MYO18B: variants seen among roughly 807,000 people sequenced by gnomAD.
The protein encoded by MYO18B is myosin XVIIIB.
MYO18B carries 204 observed loss-of-function variants against 273.0 expected under a neutral mutation model. The ratio of observed to expected loss-of-function variants is 0.75; its 90% CI spans 0.67 to 0.84. The LOEUF (loss-of-function observed/expected upper bound fraction) is 0.84, where lower values mean the gene tolerates loss of function less well. Ranked by LOEUF, MYO18B falls within the 40% of genes least tolerant of loss-of-function variation. The pLI is 0.00. For missense variants in MYO18B, 3,212 were observed against 3,287.6 expected (o/e 0.98, Z 0.56); for synonymous variants, 1,330 against 1,305.7 (o/e 1.02, Z -0.40).
At chr22:25,905,699 A>G (rs1034965065) in intron 31 of MYO18B, among the ~76,000 whole-genome samples, 1 of 152,192 alleles carries the variant, frequency 6.6e-6, no homozygotes, top group Non-Finnish European at 1.5e-5. Flanking sequence ...TGTTGCCTGT[A>G]TGACCTTAGG....
chr22:26,023,494 T>TCCTCTTCCTC (rs1237319334), intron 42 of MYO18B, among the ~76,000 whole-genome samples: 1 of 150,022 alleles, frequency 6.7e-6, no homozygotes, highest in Non-Finnish European at 1.5e-5. Context: ...CTCCTCCTCC[T>TCCTCTTCCTC]CTACCTCCTC....
rs544705080 is a variant in MYO18B, at chr22:25,798,064, A to G, written c.2488A>G (p.Ile830Val). ...GGCTGTTTGGCGGGTCCTGGCAGCCATCTACCACCTGGGTGCGGCGGGGGC... is the reference window on the plus strand; with the variant it reads ...GGCTGTTTGGCGGGTCCTGGCAGCCGTCTACCACCTGGGTGCGGCGGGGGC... ...QRAVWRVLAA[I>V]YHLGAAGACK... is the part of the protein sequence containing the mutation. Residue 830 changes from isoleucine (I) to valine (V), a missense_variant, in exon 12 of 44, where the codon ATC becomes GTC. Coordinates refer to ENST00000335473, the MANE Select transcript of MYO18B (RefSeq NM_032608.7). 5.5e-5 allele frequency: 88 copies of G among 1,611,368 alleles called. No individual in the cohort carries two copies. The highest frequency in any genetic ancestry group is 7.2e-5 in the Non-Finnish European group (85 of 1,177,710).
chr22:25,779,978 A>T, intron 8 of MYO18B, 78 bp from the exon 9 acceptor site: 1 of 1,466,138 alleles, frequency 6.8e-7, no homozygotes, highest in Non-Finnish European at 9.1e-7. Context: ...GGGGCCGTGG[A>T]AAAGGTGGAC....
chr22:25,879,191 A>G (rs1451623240), intron 25 of MYO18B, among the ~76,000 whole-genome samples: 1 of 152,208 alleles, frequency 6.6e-6, no homozygotes, highest in Non-Finnish European at 1.5e-5. Context: ...CTTTCATGTT[A>G]CAATGGCAGG....
chr22:25,881,801 A>G (rs929906848), intron 25 of MYO18B, among the ~76,000 whole-genome samples: 2 of 152,226 alleles, frequency 1.3e-5, no homozygotes, highest in Non-Finnish European at 2.9e-5. Flanking sequence ...AACAAGATGT[A>G]TGGGGCCTTG....
chr22:26,028,249 G>GAAAAAAAAAAAAAAAA (rs753643785), intron 43 of MYO18B: 1 of 136,808 alleles, frequency 7.3e-6, no homozygotes, highest in African/African-American at 2.9e-5. Flanking sequence ...TCTGTCTCAG[G>GAAAAAAAAAAAAAAAA]GAAAAAAAAA....
At position 25,777,595 on chromosome 22, in the gene MYO18B, C is replaced by G. The variant is rs375323917; in HGVS notation, c.1882C>G (p.Arg628Gly). The G allele has an allele frequency of 3.8e-6, 6 of 1,592,170 alleles. No homozygotes were observed. The highest frequency in any genetic ancestry group is 5.1e-6 in the Non-Finnish European group (6 of 1,169,516). The change falls in exon 8 of 44, where the codon CGC becomes GGC. Residue 628 changes from arginine (R) to glycine (G), a missense_variant. By Grantham distance (125) the Arg-to-Gly change is moderately radical. Transcript: ENST00000335473. ...VPSAGKVPKGRRDGLPAHIGS... is the reference protein window; with the variant it reads ...VPSAGKVPKGGRDGLPAHIGS... ...GATCTTCCTGCAGGTGCCCAAGGGC[C>G]GCCGGGATGGCCTGCCTGCCCACAT... is the stretch of plus-strand genomic sequence containing the variant.
At chr22:25,948,095 C>T (rs529613918) in intron 36 of MYO18B, among the ~76,000 whole-genome samples, 7 of 152,168 alleles carry the variant, frequency 4.6e-5, no homozygotes, top group African/African-American at 7.2e-5. Context: ...ACCCACCCAT[C>T]GATCATTCAT....
At chr22:25,923,669 G>A (rs557677003) in intron 34 of MYO18B, among the ~76,000 whole-genome samples, 25 of 152,276 alleles carry the variant, frequency 1.6e-4, no homozygotes, top group Admixed American at 1.2e-3. Context: ...GAGGCACCTG[G>A]CTTGCTTCTA....
the MYO18B span, among the ~76,000 whole-genome samples, chr22:26,040,541 A>G: frequency 6.6e-6 from 1 of 152,200 alleles, no homozygotes; most frequent in Non-Finnish European, 1.5e-5. Flanking sequence ...AGCCTGGAGG[A>G]GGAAAATAAA....
intron 25 of MYO18B, among the ~76,000 whole-genome samples, 191 bp downstream of exon 25, chr22:25,878,239 T>A (rs2091254596): frequency 6.6e-6 from 1 of 152,170 alleles, no homozygotes; most frequent in Non-Finnish European, 1.5e-5. Flanking sequence ...GGATATTAAG[T>A]ATCTTCCTCG....
intron 11 of MYO18B, among the ~76,000 whole-genome samples, chr22:25,789,399 G>A (rs1420865077): frequency 6.6e-6 from 1 of 151,966 alleles, no homozygotes; most frequent in Non-Finnish European, 1.5e-5. Context: ...ACGTTGGGAG[G>A]CTGAGGCGGG....
intron 34 of MYO18B, among the ~76,000 whole-genome samples, chr22:25,922,851 T>C (rs1209767694): frequency 1.3e-5 from 2 of 152,190 alleles, no homozygotes; most frequent in African/African-American, 4.8e-5. Flanking sequence ...AAACAAAACA[T>C]TTCAGTTAGA....
At chr22:25,906,878 C>A (rs1330355810) in intron 31 of MYO18B, among the ~76,000 whole-genome samples, 1 of 152,136 alleles carries the variant, frequency 6.6e-6, no homozygotes, top group Non-Finnish European at 1.5e-5. Flanking sequence ...AGGGAAACCA[C>A]CCCCTGTGAT....
chr22:25,853,946 A>G (rs2090495377), intron 21 of MYO18B, among the ~76,000 whole-genome samples: 1 of 152,242 alleles, frequency 6.6e-6, no homozygotes, highest in African/African-American at 2.4e-5. Context: ...TTCATTTGCC[A>G]GGCCACATGA....
chr22:25,989,224 A>G (rs2146830306), intron 39 of MYO18B, among the ~76,000 whole-genome samples: 1 of 152,246 alleles, frequency 6.6e-6, no homozygotes, highest in Non-Finnish European at 1.5e-5. Flanking sequence ...TTAAGAACCC[A>G]AGACCTGGAT....
At chr22:25,840,626 T>C (rs1451850811) in intron 17 of MYO18B, among the ~76,000 whole-genome samples, 1 of 152,242 alleles carries the variant, frequency 6.6e-6, no homozygotes, top group Non-Finnish European at 1.5e-5. Context: ...TTTACAAAAC[T>C]GATGAATATG....
the MYO18B span, among the ~76,000 whole-genome samples, chr22:26,053,042 C>G: frequency 6.6e-6 from 1 of 151,996 alleles, no homozygotes; most frequent in Non-Finnish European, 1.5e-5. Context: ...CTCCTGACCT[C>G]GTGATCCACC....
chr22:25,832,867 C>T, intron 15 of MYO18B, 50 bp from the exon 16 acceptor site: 3 of 1,485,820 alleles, frequency 2.0e-6, no homozygotes, highest in African/African-American at 1.4e-5. Context: ...AGTTTTCTTC[C>T]CCCTTCAGCT....
Sources: allele counts gnomAD v4.1 joint callset (sites outside exome capture counted in the v4.1 genomes callset), GRCh38; gene constraint gnomAD v4.1.1; transcripts MANE v1.5; gene names NCBI Gene and HGNC (gene_info 2026-07-23, HGNC 2026-07-21).